Variants in IFI27L1 observed in about 807,000 individuals in gnomAD.
The protein encoded by IFI27L1 is interferon alpha-inducible protein 27-like protein 1.
In IFI27L1, 3 loss-of-function variants were observed where a neutral mutation model predicts 9.2. The ratio of observed to expected loss-of-function variants is 0.32; its 90% confidence interval spans 0.15 to 0.84. IFI27L1 has a LOEUF of 0.84. IFI27L1 is among the 40% of genes least tolerant of loss of function. IFI27L1 has a pLI of 0.56. For missense variants in IFI27L1, 133 were observed against 134.2 expected, an observed-to-expected ratio of 0.99 and a Z score of 0.05; for synonymous variants, 53 against 50.0, an observed-to-expected ratio of 1.06 and a Z score of -0.26.
chr14:94,098,293 G>C (rs1886749198), intron 2 of IFI27L1, among the ~76,000 whole-genome samples: 1 of 152,174 alleles, frequency 6.6e-6, no homozygotes, highest in African/African-American at 2.4e-5. Flanking sequence ...CCTAGTTTCT[G>C]GTGGCTGCTG....
At chr14:94,102,378 C>T in intron 4 of IFI27L1, 99 bp from the exon 5 acceptor site, 2 of 698,106 alleles carry the variant, frequency 2.9e-6, no homozygotes, top group South Asian at 2.0e-5. Context: ...CTGCCTGGGC[C>T]TCAGGTCTCT....
At chr14:94,098,961 A>G (rs948946294) in intron 2 of IFI27L1, among the ~76,000 whole-genome samples, 1 of 152,238 alleles carries the variant, frequency 6.6e-6, no homozygotes, top group African/African-American at 2.4e-5. Context: ...CCACGGTGCC[A>G]TTCTGCCTTT....
intron 1 of IFI27L1, among the ~76,000 whole-genome samples, chr14:94,083,938 G>C (rs896467247): frequency 5.3e-5 from 8 of 151,938 alleles, no homozygotes; most frequent in African/African-American, 1.9e-4. Context: ...AAAAGAAAAA[G>C]AAAGAAGGAA....
chr14:94,091,857 C>T (rs1567068750), intron 1 of IFI27L1, among the ~76,000 whole-genome samples: 1 of 151,636 alleles, frequency 6.6e-6, no homozygotes, highest in African/African-American at 2.4e-5. Context: ...GGTGTGGTGG[C>T]TCACACCTGT....
chr14:94,086,637 A>G (rs934689161), intron 1 of IFI27L1, among the ~76,000 whole-genome samples: 3 of 152,218 alleles, frequency 2.0e-5, no homozygotes, highest in South Asian at 2.1e-4. Context: ...CAGGGGAAGT[A>G]TGGCAGAGGG....
chr14:94,096,880 C>T lies in IFI27L1; in HGVS notation c.-51-7C>T, dbSNP rs750140600. ...GATCCTGAATAAAGTCAAAACTCAA[C>T]CAACAGGTGGAAGTCCAAGAATCCG... On this transcript the variant is annotated splice_region_variant and splice_polypyrimidine_tract_variant and intron_variant, in intron 1 of 4. Transcript: ENST00000555523. 4.5e-6 allele frequency: 7 copies of T among 1,560,384 alleles called. No individual in the cohort carries two copies. In the East Asian group the frequency reaches 1.6e-4, roughly 35 times the overall value.
At chr14:94,097,781 G>A in intron 2 of IFI27L1, 1 of 676,290 alleles carries the variant, frequency 1.5e-6, no homozygotes, top group Non-Finnish European at 2.7e-6. Flanking sequence ...GAACGGGGCT[G>A]CCCTTTACAG....
intron 1 of IFI27L1, chr14:94,089,104 A>AT (rs1886382506): frequency 6.6e-6 from 1 of 152,148 alleles, no homozygotes; most frequent in Non-Finnish European, 1.5e-5. Context: ...GGCTCACTGC[A>AT]GCTGTTACTG....
chr14:94,094,444 C>T (rs1029271145), intron 1 of IFI27L1, among the ~76,000 whole-genome samples: 3 of 152,108 alleles, frequency 2.0e-5, no homozygotes, highest in African/African-American at 7.2e-5. Context: ...GAGCTCTTCA[C>T]CTTCTCCACC....
chr14:94,082,014 ATAGGCTGAAAGC>A (rs1886124413), intron 1 of IFI27L1, among the ~76,000 whole-genome samples: 2 of 152,242 alleles, frequency 1.3e-5, no homozygotes, highest in Admixed American at 1.3e-4. Context: ...AAAAGGCAAG[ATAGGCTGAAAGC>A]TAGGCTGAAA....
chr14:94,100,429 G>A (rs1886849695), intron 2 of IFI27L1: 1 of 985,268 alleles, frequency 1.0e-6, no homozygotes, highest in African/African-American at 1.7e-5. Context: ...CCAGCCCTGA[G>A]AGCTCAACAC....
rs1886924935 is a variant in IFI27L1 at position 94,102,135 on chromosome 14, G to A, written c.223+160G>A. ...TCTTCTGGTTGGAGGTGGGACCAGGGGTGCAGCCTAAGAGATCTGCATTCC... is the reference window on the plus strand; with the variant it reads ...TCTTCTGGTTGGAGGTGGGACCAGGAGTGCAGCCTAAGAGATCTGCATTCC... On this transcript the variant is annotated intron_variant, in intron 4 of 4. Transcript: ENST00000555523. 4 of 750,642 alleles carry A rather than the reference G, an allele frequency of 5.3e-6. No individual in the cohort carries two copies. In the South Asian group the frequency reaches 6.9e-5, roughly 13 times the overall value. 46.5% of individuals were successfully genotyped at this position (750,642 alleles called of 1,614,324 possible).
At chr14:94,097,427 G>A (rs1389837275) in intron 2 of IFI27L1, 1 of 581,274 alleles carries the variant, frequency 1.7e-6, no homozygotes, top group African/African-American at 1.9e-5. Context: ...CTCCTTGGTG[G>A]CCTGCCTCCA....
intron 1 of IFI27L1, among the ~76,000 whole-genome samples, chr14:94,082,552 C>G (rs1886144017): frequency 6.6e-6 from 1 of 152,264 alleles, no homozygotes; most frequent in African/African-American, 2.4e-5. Flanking sequence ...CAAGCTCACT[C>G]TTTTGTTAGA....
intron 2 of IFI27L1, 124 bp from the exon 3 acceptor site, chr14:94,100,615 T>C: frequency 6.3e-7 from 1 of 1,576,372 alleles, no homozygotes; most frequent in Non-Finnish European, 8.6e-7. Context: ...CTAGGATGAG[T>C]AGGGGGCTTC....
In IFI27L1 at chr14:94,081,346, C is replaced by T. The variant is rs1286816825; in HGVS notation, c.-155C>T. 6.6e-6 allele frequency: 1 copy of T among 152,258 alleles called. No individual in the cohort carries two copies. The highest frequency in any genetic ancestry group is 1.9e-4 in the East Asian group (1 of 5,192). The allele number at this position is 152,258 out of a possible 1,614,324, so 9.4% of individuals were successfully genotyped here. On this transcript the variant is annotated 5_prime_UTR_variant, in exon 1 of 5. Transcript: ENST00000555523. Reference sequence around the variant, plus strand: ...GAGAGCTGGCTTGGGGCGCTGGCACCTCCTCTTACAGCTTTACTCCTGCCA... The same window carrying T: ...GAGAGCTGGCTTGGGGCGCTGGCACTTCCTCTTACAGCTTTACTCCTGCCA...
In IFI27L1 at chr14:94,100,728, T is replaced by TTG. The variant is rs750023814; in HGVS notation, c.29-10_29-9insGT. ...TTTGTTTGTTGTTGTTGTTGTTGTT[T>TTG]TTGTCTCCAGGCAGGGCTGCTGTAG... On this transcript the variant is annotated splice_polypyrimidine_tract_variant and intron_variant, in intron 2 of 4. Transcript: ENST00000555523. 39 of 1,612,578 alleles carry TTG rather than the reference T, an allele frequency of 2.4e-5. No homozygotes were observed. Among genetic ancestry groups the TTG allele is most frequent in the Middle Eastern group, 1.6e-4 (1 of 6,068 alleles).
At chr14:94,100,166 C>A in intron 2 of IFI27L1, 1 of 448,638 alleles carries the variant, frequency 2.2e-6, no homozygotes, top group Non-Finnish European at 2.9e-6. Context: ...ATCATCAAGA[C>A]AGGTCAGGAG....
At chr14:94,089,605 A>G (rs570534474) in intron 1 of IFI27L1, among the ~76,000 whole-genome samples, 5 of 152,144 alleles carry the variant, frequency 3.3e-5, no homozygotes, top group Admixed American at 6.5e-5. Context: ...TCGTGTGCCT[A>G]TCTCCTGTCT....
Sources: gnomAD v4.1 joint callset for allele counts (sites outside exome capture counted in the v4.1 genomes callset) on GRCh38, gnomAD v4.1.1 for gene constraint, MANE v1.5 for transcripts, NCBI Gene and HGNC (gene_info 2026-07-23, HGNC 2026-07-21) for gene names.